PPP3CA: variants seen among roughly 807,000 people sequenced by gnomAD.
PPP3CA encodes protein phosphatase 3 catalytic subunit alpha.
Under a neutral mutation model 66.5 loss-of-function variants are expected in PPP3CA, and 14 were observed. That is an observed-to-expected ratio of 0.21 (90% confidence interval 0.14 to 0.33). The LOEUF is 0.33. Ranked by LOEUF, PPP3CA falls within the 10% of genes least tolerant of loss-of-function variation. PPP3CA has a pLI of 1.00. For synonymous variants in PPP3CA, 232 were observed against 226.2 expected, an observed-to-expected ratio of 1.03 and a Z score of -0.23; for missense variants, 317 against 639.5, an observed-to-expected ratio of 0.50 and a Z score of 5.44.
intron 5 of PPP3CA, 132 bp from the exon 6 acceptor site, chr4:101,094,047 A>G (rs1192714312): frequency 1.4e-6 from 1 of 706,088 alleles, no homozygotes; most frequent in South Asian, 3.7e-5. Flanking sequence ...AATGTCCTCT[A>G]CCTCTCTCTC....
intron 8 of PPP3CA, among the ~76,000 whole-genome samples, chr4:101,072,592 C>A (rs1198740787): frequency 2.6e-5 from 4 of 152,102 alleles, no homozygotes; most frequent in Non-Finnish European, 5.9e-5. Context: ...TGAGCAGTGT[C>A]TGGCACATAA....
intron 8 of PPP3CA, among the ~76,000 whole-genome samples, chr4:101,076,755 A>G (rs1167917090): frequency 1.3e-5 from 2 of 152,240 alleles, no homozygotes; most frequent in African/African-American, 4.8e-5. Context: ...ACTGAGGAAT[A>G]AGGGAATTTT....
At chr4:101,168,060 G>C (rs947566932) in intron 2 of PPP3CA, among the ~76,000 whole-genome samples, 1 of 152,202 alleles carries the variant, frequency 6.6e-6, no homozygotes, top group African/African-American at 2.4e-5. Context: ...GTTGAGAATG[G>C]GGGCAGAGGG....
At chr4:101,277,150 G>A (rs966057288) in intron 1 of PPP3CA, among the ~76,000 whole-genome samples, 4 of 152,074 alleles carry the variant, frequency 2.6e-5, no homozygotes, top group African/African-American at 9.7e-5. Flanking sequence ...CACATAGATG[G>A]AATCATACAC....
At chr4:101,196,699 A>G (rs914500583) in intron 1 of PPP3CA, among the ~76,000 whole-genome samples, 1 of 152,216 alleles carries the variant, frequency 6.6e-6, no homozygotes, top group Non-Finnish European at 1.5e-5. Context: ...GTATGCTCTC[A>G]CTGAAGGGAC....
intron 8 of PPP3CA, among the ~76,000 whole-genome samples, chr4:101,069,840 A>AGGTTTTGT: frequency 6.6e-6 from 1 of 152,172 alleles, no homozygotes; most frequent in South Asian, 2.1e-4. Flanking sequence ...TTTTTTCTCT[A>AGGTTTTGT]GGTTTTGTGT....
Position 101,313,559 on chromosome 4 carries a change from G to A in PPP3CA, c.58+33180C>T, listed in dbSNP as rs140970834. 4.6e-3 allele frequency among the ~76,000 whole-genome samples: 699 copies of A among 152,216 alleles called. 4 individuals carry two copies. Among genetic ancestry groups the A allele is most frequent in the African/African-American group, 0.016 (663 of 41,522 alleles). ...TTATGTTCAGTTTTGAATTGCAAGAGAACAGCCTGTCCCTAGTTTTCCTAA... is the reference window on the plus strand; with the variant it reads ...TTATGTTCAGTTTTGAATTGCAAGAAAACAGCCTGTCCCTAGTTTTCCTAA... On this transcript the variant is annotated intron_variant, in intron 1 of 13. Coordinates refer to ENST00000394854, the MANE Select transcript of PPP3CA (RefSeq NM_000944.5).
In PPP3CA at chr4:101,247,887, C is replaced by CTA. The variant is rs541679352; in HGVS notation, c.59-51773_59-51772dup. ...CACTGCCTGAAGAGGGACAAAAAAC[C>CTA]TATATATATATACACACACACACAC... On this transcript the variant is annotated intron_variant, in intron 1 of 13. Coordinates refer to ENST00000394854, the MANE Select transcript of PPP3CA (RefSeq NM_000944.5). Among the ~76,000 whole-genome samples, 153 of 151,494 alleles carry CTA rather than the reference C, an allele frequency of 1.0e-3. 3 individuals are homozygous for CTA. The East Asian group carries it at 0.019, about 19-fold the overall frequency.
chr4:101,226,588 T>C (rs888311524), intron 1 of PPP3CA, among the ~76,000 whole-genome samples: 1 of 151,752 alleles, frequency 6.6e-6, no homozygotes, highest in Non-Finnish European at 1.5e-5. Flanking sequence ...ATAACTGAAT[T>C]GAAGTTCCAA....
At chr4:101,052,399 T>C (rs1244728710) in intron 10 of PPP3CA, among the ~76,000 whole-genome samples, 1 of 152,026 alleles carries the variant, frequency 6.6e-6, no homozygotes. Flanking sequence ...ATACTAGCTA[T>C]AACAAGGTGT....
At chr4:101,146,195 T>C (rs975322432) in intron 2 of PPP3CA, among the ~76,000 whole-genome samples, 2 of 152,198 alleles carry the variant, frequency 1.3e-5, no homozygotes, top group Non-Finnish European at 2.9e-5. Context: ...AAATCCATAT[T>C]CTCTGCTTTA....
At chr4:101,223,641 C>T (rs964276449) in intron 1 of PPP3CA, among the ~76,000 whole-genome samples, 3 of 151,804 alleles carry the variant, frequency 2.0e-5, no homozygotes, top group Non-Finnish European at 2.9e-5. Flanking sequence ...GCATTCATTC[C>T]AACCTTCCCT....
At chr4:101,108,876 T>A in intron 3 of PPP3CA, 78 bp downstream of exon 3, 1 of 1,432,902 alleles carries the variant, frequency 7.0e-7, no homozygotes, top group South Asian at 1.3e-5. Context: ...CATAAGGCAA[T>A]AACATTTACT....
At chr4:101,043,670 C>T (rs1246188098) in intron 10 of PPP3CA, among the ~76,000 whole-genome samples, 2 of 151,904 alleles carry the variant, frequency 1.3e-5, no homozygotes, top group East Asian at 1.9e-4. Context: ...GTTGGGAGAT[C>T]GAGACCATCC....
chr4:101,165,737 T>C (rs1723674927), intron 2 of PPP3CA, among the ~76,000 whole-genome samples: 1 of 152,140 alleles, frequency 6.6e-6, no homozygotes, highest in Non-Finnish European at 1.5e-5. Flanking sequence ...GTAATTTACA[T>C]GAAAATAAAA....
chr4:101,078,921 T>A (rs1056902552), intron 8 of PPP3CA, among the ~76,000 whole-genome samples: 9 of 152,232 alleles, frequency 5.9e-5, no homozygotes, highest in Admixed American at 5.9e-4. Context: ...AGACTACTAA[T>A]GGCAGCACTT....
intron 5 of PPP3CA, among the ~76,000 whole-genome samples, 180 bp from the exon 6 acceptor site, chr4:101,094,095 C>T (rs1730085159): frequency 6.6e-6 from 1 of 152,062 alleles, no homozygotes; most frequent in South Asian, 2.1e-4. Flanking sequence ...TCCTATCCTT[C>T]ATCTCTCTCC....
chr4:101,197,530 G>A (rs966819215), intron 1 of PPP3CA, among the ~76,000 whole-genome samples: 6 of 152,258 alleles, frequency 3.9e-5, no homozygotes, highest in African/African-American at 1.2e-4. Flanking sequence ...CCTTGAGCAG[G>A]TTAAATAACC....
At chr4:101,300,612 C>T (rs772083302) in intron 1 of PPP3CA, among the ~76,000 whole-genome samples, 8 of 152,000 alleles carry the variant, frequency 5.3e-5, no homozygotes, top group South Asian at 4.2e-4. Context: ...CTGGCCAACA[C>T]GGTGAAACCC....
Sources: allele counts gnomAD v4.1 joint callset (sites outside exome capture counted in the v4.1 genomes callset), GRCh38; gene constraint gnomAD v4.1.1; transcripts MANE v1.5; gene names NCBI Gene and HGNC (gene_info 2026-07-23, HGNC 2026-07-21).